The following GABPB1 variants were observed in gnomAD, a reference collection of about 807,000 sequenced individuals.
GABPB1 encodes GA binding protein transcription factor subunit beta 1, also known as GA-binding protein subunit beta-1.
Under a neutral mutation model 45.9 loss-of-function variants are expected in GABPB1, and 15 were observed. The observed-to-expected ratio is 0.33, with a 90% CI of 0.22 to 0.50. The LOEUF (loss-of-function observed/expected upper bound fraction) is 0.50. Among genes scored for constraint, GABPB1 ranks in the 20% least tolerant of loss-of-function variants. GABPB1 has a pLI of 0.98. For synonymous variants in GABPB1, 143 were observed against 154.4 expected (o/e 0.93, Z 0.55); for missense variants, 252 against 457.5 (o/e 0.55, Z 4.10).
At chr15:50,342,882 C>T (rs1316958446) in intron 1 of GABPB1, among the ~76,000 whole-genome samples, 1 of 152,122 alleles carries the variant, frequency 6.6e-6, no homozygotes, top group African/African-American at 2.4e-5. Flanking sequence ...CAATGAAGGA[C>T]TTAACATTTG....
intron 8 of GABPB1, among the ~76,000 whole-genome samples, chr15:50,284,152 C>T (rs932074661): frequency 6.6e-6 from 1 of 152,142 alleles, no homozygotes; most frequent in Non-Finnish European, 1.5e-5. Flanking sequence ...AAGATAACCC[C>T]ATTGGCCACC....
At chr15:50,310,895 T>C (rs1194591767) in intron 1 of GABPB1, among the ~76,000 whole-genome samples, 1 of 151,130 alleles carries the variant, frequency 6.6e-6, no homozygotes, top group African/African-American at 2.4e-5. Context: ...AAGAATCACT[T>C]GAACCCAGGA....
At chr15:50,279,896 A>G (rs1304242818) in intron 8 of GABPB1, among the ~76,000 whole-genome samples, 2 of 152,132 alleles carry the variant, frequency 1.3e-5, no homozygotes, top group Non-Finnish European at 2.9e-5. Context: ...CTCTTTCTAT[A>G]TATCCTATTA....
intron 5 of GABPB1, 42 bp from the exon 6 acceptor site, chr15:50,300,944 T>A: frequency 8.7e-7 from 1 of 1,150,926 alleles, no homozygotes; most frequent in Non-Finnish European, 1.3e-6. Flanking sequence ...CTAAGGAGCT[T>A]AATCCAATGC....
At chr15:50,321,314 T>C (rs1047467565) in intron 1 of GABPB1, among the ~76,000 whole-genome samples, 1 of 152,172 alleles carries the variant, frequency 6.6e-6, no homozygotes, top group Non-Finnish European at 1.5e-5. Context: ...TGCTTCTCCA[T>C]AAGGTCTCCA....
intron 8 of GABPB1, 47 bp downstream of exon 8, chr15:50,286,021 T>TA: frequency 6.3e-7 from 1 of 1,589,124 alleles, no homozygotes; most frequent in East Asian, 2.3e-5. Context: ...AAATTGAATT[T>TA]ATTTTGGATG....
intron 8 of GABPB1, among the ~76,000 whole-genome samples, chr15:50,283,350 T>C (rs1421555892): frequency 6.7e-6 from 1 of 149,938 alleles, no homozygotes; most frequent in Non-Finnish European, 1.5e-5. Flanking sequence ...TACCTTTCCC[T>C]CCAAAAAAAA....
At chr15:50,351,559 CAG>C (rs1343880797) in intron 1 of GABPB1, 1 of 151,042 alleles carries the variant, frequency 6.6e-6, no homozygotes, top group African/African-American at 2.4e-5. Context: ...GCCTGGGTAA[CAG>C]AGAAAGCAAG....
At chr15:50,306,199 G>T (rs192355211) in intron 2 of GABPB1, among the ~76,000 whole-genome samples, 1 of 151,920 alleles carries the variant, frequency 6.6e-6, no homozygotes, top group Non-Finnish European at 1.5e-5. Context: ...TGAACTTCTG[G>T]CCTCAAATAA....
intron 7 of GABPB1, among the ~76,000 whole-genome samples, chr15:50,288,880 C>G (rs899990692): frequency 4.0e-5 from 6 of 151,444 alleles, no homozygotes; most frequent in African/African-American, 1.2e-4. Context: ...GGCTGGAATG[C>G]AGTGGCATGA....
At chr15:50,304,568 A>G (rs2046873818) in intron 2 of GABPB1, among the ~76,000 whole-genome samples, 1 of 152,090 alleles carries the variant, frequency 6.6e-6, no homozygotes, top group African/African-American at 2.4e-5. Flanking sequence ...GAAATTAGCC[A>G]GGCGTGGTGG....
At chr15:50,335,143 A>C (rs1188214650) in intron 1 of GABPB1, among the ~76,000 whole-genome samples, 1 of 152,126 alleles carries the variant, frequency 6.6e-6, no homozygotes, top group Non-Finnish European at 1.5e-5. Context: ...TGCTTTGTAA[A>C]GACTTTTGTT....
intron 1 of GABPB1, among the ~76,000 whole-genome samples, chr15:50,320,189 T>C (rs1318146188): frequency 6.6e-6 from 1 of 152,210 alleles, no homozygotes; most frequent in Non-Finnish European, 1.5e-5. Flanking sequence ...TTTTTTGAGA[T>C]GGAGTTTCGC....
chr15:50,318,581 G>A (rs560605060), intron 1 of GABPB1, among the ~76,000 whole-genome samples: 1 of 152,158 alleles, frequency 6.6e-6, no homozygotes, highest in East Asian at 1.9e-4. Context: ...ATCCAACATA[G>A]AATAGGAGAG....
chr15:50,297,172 A>G (rs2046547434), intron 6 of GABPB1, among the ~76,000 whole-genome samples: 2 of 150,920 alleles, frequency 1.3e-5, no homozygotes, highest in African/African-American at 2.4e-5. Flanking sequence ...CGGCCTCCCA[A>G]AGTGCTGGGA....
At chr15:50,333,210 A>C (rs1207989038) in intron 1 of GABPB1, among the ~76,000 whole-genome samples, 1 of 152,206 alleles carries the variant, frequency 6.6e-6, no homozygotes, top group Non-Finnish European at 1.5e-5. Context: ...TCACACCTAC[A>C]ATCCCAGCAG....
chr15:50,308,300 C>T (rs1341488415), intron 2 of GABPB1, among the ~76,000 whole-genome samples: 1 of 152,190 alleles, frequency 6.6e-6, no homozygotes, highest in African/African-American at 2.4e-5. Flanking sequence ...ACTTCAAATT[C>T]ATTTCTCAGT....
chr15:50,293,205 C>CA (rs1433305986), intron 6 of GABPB1, among the ~76,000 whole-genome samples: 15 of 152,228 alleles, frequency 9.9e-5, no homozygotes, highest in Admixed American at 6.5e-5. Flanking sequence ...TCTATCAACT[C>CA]ACAGTATGGC....
At chr15:50,348,460 A>G (rs1046031025) in intron 1 of GABPB1, among the ~76,000 whole-genome samples, 8 of 151,804 alleles carry the variant, frequency 5.3e-5, no homozygotes, top group Non-Finnish European at 7.4e-5. Flanking sequence ...CATGTTGGCC[A>G]GGCTGGTCTC....
Sources: gnomAD v4.1 joint callset for allele counts (sites outside exome capture counted in the v4.1 genomes callset) on GRCh38, gnomAD v4.1.1 for gene constraint, MANE v1.5 for transcripts, NCBI Gene and HGNC (gene_info 2026-07-23, HGNC 2026-07-21) for gene names.